NELFA: variants seen among roughly 807,000 people sequenced by gnomAD.
NELFA encodes negative elongation factor A.
NELFA carries 35 observed loss-of-function variants against 51.8 expected under a neutral mutation model. The observed-to-expected ratio is 0.68, with a 90% CI of 0.52 to 0.90. The LOEUF is 0.90. Among genes scored for constraint, NELFA ranks in the 40% least tolerant of loss-of-function variants. The pLI is 0.00. For synonymous variants in NELFA, 417 were observed against 338.4 expected (o/e 1.23, Z -2.55); for missense variants, 658 against 746.4 (o/e 0.88, Z 1.38).
chr4:2,000,467 C>T (rs1387552385), intron 1 of NELFA, among the ~76,000 whole-genome samples: 3 of 151,738 alleles, frequency 2.0e-5, no homozygotes, highest in African/African-American at 2.4e-5. Flanking sequence ...AATAAAGATG[C>T]TATCACAACT....
intron 1 of NELFA, chr4:2,004,279 T>C (rs1441544125): frequency 6.6e-6 from 1 of 152,076 alleles, no homozygotes; most frequent in African/African-American, 2.4e-5. Flanking sequence ...TAGACAAATC[T>C]ATAGAAGCAA....
intron 1 of NELFA, among the ~76,000 whole-genome samples, chr4:1,998,860 T>C (rs1205998804): frequency 6.6e-6 from 1 of 151,772 alleles, no homozygotes; most frequent in Non-Finnish European, 1.5e-5. Context: ...TTCTCCAAGG[T>C]CGAAATGAAG....
rs1560866613 is a variant in NELFA, at chr4:1,989,745, G to C, written c.507C>G (p.Pro169=). 6.2e-7 allele frequency: 1 copy of C among 1,614,134 alleles called. No individual in the cohort carries two copies. The highest frequency in any genetic ancestry group is 8.5e-7 in the Non-Finnish European group (1 of 1,180,030). Residue 169 remains proline, a synonymous_variant, in exon 3 of 11, where the codon CCC becomes CCG. Transcript: ENST00000382882. This position sits in a 1 kb window ranked among gnomAD's most constrained non-coding sequence, Gnocchi z 4.8. ...PVKHFQLKRK[P]KSATLRAELL... is the part of the protein sequence containing the mutation. ...GCTCCGCCCGCAGCGTGGCGCTCTTGGGTTTCCGCTTTAACTGAAAATGCT... is the reference window on the plus strand; with the variant it reads ...GCTCCGCCCGCAGCGTGGCGCTCTTCGGTTTCCGCTTTAACTGAAAATGCT...
intron 2 of NELFA, among the ~76,000 whole-genome samples, chr4:1,990,708 G>T (rs1396327026): frequency 1.3e-5 from 2 of 152,246 alleles, no homozygotes; most frequent in African/African-American, 4.8e-5. Context: ...GGGCTCTGAG[G>T]AGCCAGTTCC....
chr4:1,999,223 C>T (rs548984734), intron 1 of NELFA, among the ~76,000 whole-genome samples: 1 of 150,918 alleles, frequency 6.6e-6, no homozygotes, highest in African/African-American at 2.4e-5. Context: ...AATGACATTA[C>T]AAAGAAACTG....
chr4:1,985,246 C>T (rs916110200), intron 7 of NELFA, among the ~76,000 whole-genome samples: 1 of 152,226 alleles, frequency 6.6e-6, no homozygotes, highest in African/African-American at 2.4e-5. Context: ...TTAAGAAACA[C>T]AGAACACGCA....
chr4:2,008,658 G>T, intron 1 of NELFA, 92 bp downstream of exon 1: 1 of 1,449,474 alleles, frequency 6.9e-7, no homozygotes, highest in Non-Finnish European at 9.3e-7. Context: ...GAAGGTTGGG[G>T]GAGGGAGCGA....
At chr4:1,983,807 A>G in intron 9 of NELFA, 41 bp downstream of exon 9, 1 of 1,574,594 alleles carries the variant, frequency 6.4e-7, no homozygotes, top group South Asian at 1.2e-5. Context: ...GGGCCGTACC[A>G]CCTACCTGGT....
chr4:1,987,238 C>T (rs1228667646), intron 4 of NELFA, among the ~76,000 whole-genome samples: 1 of 152,208 alleles, frequency 6.6e-6, no homozygotes, highest in Admixed American at 6.5e-5. Flanking sequence ...TTCAGCCCCA[C>T]CCATCTGCAA....
chr4:1,990,771 A>G (rs1187827454), intron 2 of NELFA, among the ~76,000 whole-genome samples: 2 of 152,198 alleles, frequency 1.3e-5, no homozygotes, highest in Non-Finnish European at 2.9e-5. Flanking sequence ...CAAGCATCCC[A>G]TCAAGACATG....
chr4:2,004,438 T>A (rs905397953), intron 1 of NELFA, among the ~76,000 whole-genome samples: 7 of 152,068 alleles, frequency 4.6e-5, no homozygotes, highest in African/African-American at 1.7e-4. Context: ...ACTACTGAAG[T>A]GTACATTTTA....
Position 1,983,636 on chromosome 4 carries a change from G to A in NELFA, c.1362C>T (p.Pro454=), listed in dbSNP as rs757664937. Residue 454 remains proline (P), a synonymous_variant, in exon 10 of 11, where the codon CCC becomes CCT. Coordinates refer to ENST00000382882, the MANE Select transcript of NELFA (RefSeq NM_005663.5). ...MFKTANKVTR[P]EKALILGFMA... ...TGAAGCCCAGGATGAGGGCCTTCTC[G>A]GGCCGCGTGACTTTGTTGGCCGTCT... 44 of 1,613,960 alleles carry A rather than the reference G, an allele frequency of 2.7e-5. No individual in the cohort carries two copies. Among genetic ancestry groups the A allele is most frequent in the Middle Eastern group, 1.6e-4 (1 of 6,084 alleles).
intron 1 of NELFA, among the ~76,000 whole-genome samples, chr4:2,000,674 A>C (rs751167860): frequency 7.9e-5 from 12 of 152,180 alleles, no homozygotes; most frequent in Admixed American, 5.9e-4. Flanking sequence ...CAACCAAAAG[A>C]AGCCCAGGAC....
chr4:1,998,616 GGAAC>G (rs373534167), intron 1 of NELFA, among the ~76,000 whole-genome samples: 530 of 152,044 alleles, frequency 3.5e-3, no homozygotes, highest in African/African-American at 0.012. Flanking sequence ...AGAATGAAAA[GGAAC>G]GAACAAAGCC....
At chr4:1,986,475 C>CCCA in intron 4 of NELFA, 73 bp from the exon 5 acceptor site, 1 of 1,605,812 alleles carries the variant, frequency 6.2e-7, no homozygotes, top group Non-Finnish European at 8.5e-7. Flanking sequence ...CTCAGAACGT[C>CCCA]CCACCCTCTT....
chr4:1,990,087 T>C, intron 2 of NELFA: 1 of 585,898 alleles, frequency 1.7e-6, no homozygotes. Flanking sequence ...GGGCATGCCT[T>C]GAGAGGGCTG....
In NELFA at chr4:1,983,575, GGCCCT is replaced by G. The variant is rs528119309; in HGVS notation, c.1402+16_1402+20del. The G allele has an allele frequency of 1.1e-5, 17 of 1,613,628 alleles. No homozygotes were observed. In the East Asian group the frequency reaches 3.6e-4, roughly 34 times the overall value. ...CCCAACCCGGCCCGGTGCACCCCCA[GGCCCT>G]GCCTTATGAACATACCTCGGGAGCC... is the stretch of plus-strand genomic sequence containing the variant. On this transcript the variant is annotated intron_variant, in intron 10 of 10. Coordinates refer to ENST00000382882, the MANE Select transcript of NELFA (RefSeq NM_005663.5).
chr4:1,986,538 G>A (rs1265697026), intron 4 of NELFA, 136 bp from the exon 5 acceptor site: 3 of 1,386,448 alleles, frequency 2.2e-6, no homozygotes, highest in Admixed American at 4.4e-5. Context: ...GCAGCGGGCA[G>A]GACCCCCAGG....
intron 1 of NELFA, among the ~76,000 whole-genome samples, chr4:1,996,087 C>T (rs539135735): frequency 3.3e-5 from 5 of 152,320 alleles, no homozygotes; most frequent in African/African-American, 7.2e-5. Flanking sequence ...AACTAGAGTA[C>T]ATATGATTCG....
Sources: allele counts gnomAD v4.1 joint callset (sites outside exome capture counted in the v4.1 genomes callset), GRCh38; gene constraint gnomAD v4.1.1; non-coding constraint Gnocchi (gnomAD v3.1); transcripts MANE v1.5; gene names NCBI Gene and HGNC (gene_info 2026-07-23, HGNC 2026-07-21).